The following ERO1B variants were observed in gnomAD, a reference collection of about 807,000 sequenced individuals.
The protein encoded by ERO1B is ERO1-like protein beta.
A neutral mutation model predicts 75.3 loss-of-function variants in ERO1B; 49 were observed. That is an observed-to-expected ratio of 0.65 (90% CI 0.52 to 0.83). ERO1B has a LOEUF of 0.83. Ranked by LOEUF, ERO1B falls within the 40% of genes least tolerant of loss-of-function variation. The pLI, the probability that ERO1B is intolerant of heterozygous loss-of-function variation, is 0.00. For synonymous variants in ERO1B, 191 were observed against 192.9 expected (o/e 0.99, Z 0.08); for missense variants, 512 against 560.1 (o/e 0.91, Z 0.87).
intron 6 of ERO1B, among the ~76,000 whole-genome samples, chr1:236,239,835 G>GTATATATATATATGTATATATA (rs764354290): frequency 1.6e-3 from 66 of 42,168 alleles, no homozygotes; most frequent in Middle Eastern, 0.014. Flanking sequence ...GTATATATAT[G>GTATATATATATATGTATATATA]TGTATATATA....
chr1:236,230,968 G>A (rs750820015), intron 9 of ERO1B, among the ~76,000 whole-genome samples: 4 of 151,724 alleles, frequency 2.6e-5, no homozygotes, highest in Non-Finnish European at 4.4e-5. Flanking sequence ...TTCATTGAAG[G>A]TGTAAATATC....
At chr1:236,220,722 A>AAT in intron 15 of ERO1B, 110 bp downstream of exon 15, 1 of 1,105,850 alleles carries the variant, frequency 9.0e-7, no homozygotes, top group Non-Finnish European at 1.2e-6. Context: ...ACAATATAAA[A>AAT]TTTTTTTTTG....
intron 6 of ERO1B, among the ~76,000 whole-genome samples, chr1:236,240,031 T>C (rs1446978120): frequency 6.6e-6 from 1 of 150,466 alleles, no homozygotes; most frequent in East Asian, 2.0e-4. Flanking sequence ...CAGCCTCCCA[T>C]GTAGCTGGGA....
chr1:236,271,176 T>C (rs971539098), intron 1 of ERO1B, among the ~76,000 whole-genome samples: 1 of 152,104 alleles, frequency 6.6e-6, no homozygotes, highest in Admixed American at 6.6e-5. Context: ...TGTTATTTCT[T>C]GCAACTCCAT....
intron 10 of ERO1B, among the ~76,000 whole-genome samples, chr1:236,227,430 A>C (rs72751303): frequency 0.02 from 3,102 of 152,272 alleles, 42 homozygotes; most frequent in Non-Finnish European, 0.032. Context: ...CCCTGCCCCC[A>C]TTTTAAAAGA....
chr1:236,231,990 C>T (rs948524446), intron 9 of ERO1B, among the ~76,000 whole-genome samples: 1 of 152,156 alleles, frequency 6.6e-6, no homozygotes, highest in Non-Finnish European at 1.5e-5. Flanking sequence ...TGACTTGTCT[C>T]AACTCCCAGC....
chr1:236,270,374 C>T (rs1278662339), intron 1 of ERO1B, among the ~76,000 whole-genome samples: 1 of 152,074 alleles, frequency 6.6e-6, no homozygotes, highest in African/African-American at 2.4e-5. Flanking sequence ...CTTTAGGTGG[C>T]CATTTATGGA....
At chr1:236,262,774 G>C (rs540976939) in intron 2 of ERO1B, among the ~76,000 whole-genome samples, 47 of 152,262 alleles carry the variant, frequency 3.1e-4, no homozygotes, top group African/African-American at 1.1e-3. Context: ...GGTGCAACGA[G>C]TGGACTGTGG....
intron 5 of ERO1B, among the ~76,000 whole-genome samples, chr1:236,243,837 G>A (rs994956798): frequency 6.6e-5 from 10 of 151,900 alleles, no homozygotes; most frequent in East Asian, 5.8e-4. Flanking sequence ...AAATTATAAC[G>A]TTAAACGTAT....
At chr1:236,274,557 T>C (rs554152071) in intron 1 of ERO1B, among the ~76,000 whole-genome samples, 3 of 152,336 alleles carry the variant, frequency 2.0e-5, no homozygotes, top group African/African-American at 7.2e-5. Context: ...GTATTAGACA[T>C]TCTCACTCTA....
intron 5 of ERO1B, among the ~76,000 whole-genome samples, chr1:236,244,843 G>C (rs548539396): frequency 0.068 from 10,420 of 152,146 alleles, 733 homozygotes; most frequent in East Asian, 0.39. Flanking sequence ...TTTGAAGATG[G>C]ATGCAACACT....
At chr1:236,266,978 T>C (rs1665457307) in intron 2 of ERO1B, among the ~76,000 whole-genome samples, 1 of 152,240 alleles carries the variant, frequency 6.6e-6, no homozygotes, top group Non-Finnish European at 1.5e-5. Flanking sequence ...CTTTTGCCTA[T>C]CCAAGTTCCA....
Position 236,253,462 on chromosome 1 carries a change from T to C in ERO1B, c.266A>G (p.His89Arg). The stretch of plus-strand genomic sequence containing the variant: ...CACATGACAGTCTTTTATTGAACAG[T>C]GGCCATCTTCTGCCCAGAAAGGACA... ...RPCPFWAEDG[H>R]CSIKDCHVEP... The change falls in exon 3 of 16, where the codon CAC becomes CGC. Residue 89 changes from histidine to arginine, a missense_variant. Coordinates refer to ENST00000354619, the MANE Select transcript of ERO1B (RefSeq NM_019891.4). 6.2e-7 allele frequency: 1 copy of C among 1,611,264 alleles called. No individual in the cohort carries two copies. The highest frequency in any genetic ancestry group is 8.5e-7 in the Non-Finnish European group (1 of 1,178,468).
chr1:236,272,570 G>C (rs565987600), intron 1 of ERO1B, among the ~76,000 whole-genome samples: 73 of 151,972 alleles, frequency 4.8e-4, no homozygotes, highest in African/African-American at 1.6e-3. Flanking sequence ...GAGGAAAGAG[G>C]GGGACAAGAG....
intron 15 of ERO1B, 145 bp downstream of exon 15, chr1:236,220,687 A>T: frequency 3.1e-6 from 2 of 649,692 alleles, no homozygotes; most frequent in Non-Finnish European, 4.7e-6. Context: ...TGTCAGCATT[A>T]AGGCCTCTCT....
chr1:236,255,092 T>C (rs1202674753), intron 2 of ERO1B, among the ~76,000 whole-genome samples: 2 of 138,658 alleles, frequency 1.4e-5, no homozygotes, highest in South Asian at 2.3e-4. Context: ...GGCTAATTTT[T>C]TTTTTCTTTC....
At chr1:236,273,276 C>T (rs1665638498) in intron 1 of ERO1B, among the ~76,000 whole-genome samples, 1 of 152,080 alleles carries the variant, frequency 6.6e-6, no homozygotes, top group South Asian at 2.1e-4. Context: ...TGAAAAGAAG[C>T]CTCCAGAAGG....
At chr1:236,280,968 T>C (rs1665816214) in intron 1 of ERO1B, among the ~76,000 whole-genome samples, 1 of 152,130 alleles carries the variant, frequency 6.6e-6, no homozygotes, top group African/African-American at 2.4e-5. Context: ...ACACTTGTAA[T>C]CATCGCTTCA....
chr1:236,230,932 T>G (rs544956076), intron 9 of ERO1B, among the ~76,000 whole-genome samples: 2 of 147,076 alleles, frequency 1.4e-5, no homozygotes, highest in Middle Eastern at 3.2e-3. Context: ...CTGCCTCTTT[T>G]AAAAAAAAAA....
Sources: gnomAD v4.1 joint callset for allele counts (sites outside exome capture counted in the v4.1 genomes callset) on GRCh38, gnomAD v4.1.1 for gene constraint, MANE v1.5 for transcripts, NCBI Gene and HGNC (gene_info 2026-07-23, HGNC 2026-07-21) for gene names.